SPATA13: variants seen among roughly 807,000 people sequenced by gnomAD.
The protein encoded by SPATA13 is spermatogenesis-associated protein 13.
Under a neutral mutation model 104.0 loss-of-function variants are expected in SPATA13, and 50 were observed. The observed-to-expected ratio is 0.48, with a 90% CI of 0.38 to 0.61. The LOEUF (loss-of-function observed/expected upper bound fraction) is 0.61. Ranked by LOEUF, SPATA13 falls within the 20% of genes least tolerant of loss-of-function variation. The pLI, the probability that SPATA13 is intolerant of heterozygous loss-of-function variation, is 0.00. For missense variants in SPATA13, 1,524 were observed against 1,690.6 expected, an observed-to-expected ratio of 0.90 and a Z score of 1.73; for synonymous variants, 606 against 667.5, an observed-to-expected ratio of 0.91 and a Z score of 1.42.
intron 1 of SPATA13, among the ~76,000 whole-genome samples, chr13:23,981,171 A>G (rs1874875151): frequency 6.6e-6 from 1 of 152,240 alleles, no homozygotes; most frequent in Non-Finnish European, 1.5e-5. Context: ...AGAGAGCATC[A>G]GCCTCATTTT....
At chr13:24,083,214 A>G (rs1413021695) in intron 3 of SPATA13, among the ~76,000 whole-genome samples, 1 of 152,086 alleles carries the variant, frequency 6.6e-6, no homozygotes, top group Non-Finnish European at 1.5e-5. Context: ...GCCAGTGGAG[A>G]CCCCCTAGGG....
At chr13:24,297,791 A>C (rs1331624408) in intron 11 of SPATA13, 56 bp downstream of exon 11, 8 of 1,552,812 alleles carry the variant, frequency 5.2e-6, no homozygotes, top group Non-Finnish European at 7.0e-6. Flanking sequence ...TAATAGCTTC[A>C]TTCTCCACTC....
At chr13:24,236,525 G>A (rs1049842290) in intron 2 of SPATA13, among the ~76,000 whole-genome samples, 3 of 151,662 alleles carry the variant, frequency 2.0e-5, no homozygotes, top group Non-Finnish European at 4.4e-5. Context: ...GAACCCAGGC[G>A]GCGGAGGTTG....
chr13:23,993,436 C>T (rs763842624), intron 2 of SPATA13, among the ~76,000 whole-genome samples: 3 of 152,214 alleles, frequency 2.0e-5, no homozygotes, highest in Non-Finnish European at 4.4e-5. Flanking sequence ...AAACATATTT[C>T]CCTTGTCTGC....
intron 4 of SPATA13, among the ~76,000 whole-genome samples, chr13:24,282,581 G>A (rs911969354): frequency 5.6e-5 from 6 of 106,324 alleles, no homozygotes; most frequent in African/African-American, 1.5e-4. Context: ...CCATTTCCTC[G>A]GGCAGCTCTT....
intron 3 of SPATA13, among the ~76,000 whole-genome samples, chr13:24,062,148 C>A (rs749738294): frequency 2.0e-5 from 3 of 152,236 alleles, no homozygotes; most frequent in Non-Finnish European, 4.4e-5. Context: ...TCTAACAGGT[C>A]TGTTTGCATC....
chr13:24,230,588 T>G (rs187460283), intron 2 of SPATA13, among the ~76,000 whole-genome samples: 5 of 152,328 alleles, frequency 3.3e-5, no homozygotes, highest in Admixed American at 3.3e-4. Context: ...AAACCTCATT[T>G]TCCTTGCCTG....
At chr13:24,129,565 G>A (rs1881330772) in intron 3 of SPATA13, among the ~76,000 whole-genome samples, 1 of 152,192 alleles carries the variant, frequency 6.6e-6, no homozygotes, top group Non-Finnish European at 1.5e-5. Flanking sequence ...TTATTTGGCT[G>A]AATCACCTGG....
chr13:24,013,457 A>T (rs906339735), intron 2 of SPATA13, among the ~76,000 whole-genome samples: 1 of 152,132 alleles, frequency 6.6e-6, no homozygotes, highest in Non-Finnish European at 1.5e-5. Flanking sequence ...CATACCTGGG[A>T]CACTGCTTGG....
In SPATA13 at chr13:24,303,095, T is replaced by C; in HGVS notation, c.*322T>C. On this transcript the variant is annotated 3_prime_UTR_variant, in exon 13 of 13. Transcript: ENST00000382108. ...CAGCAGCTGAAGCCACCCCTGCTGA[T>C]GATGAGCAAGTGCCTGCTGCAGGTC... is the stretch of plus-strand genomic sequence containing the variant. The C allele has an allele frequency of 2.5e-6, 1 of 406,592 alleles. No homozygotes were observed. The highest frequency in any genetic ancestry group is 2.2e-5 in the South Asian group (1 of 45,466). The allele number at this position is 406,592 out of a possible 1,614,324, so 25.2% of individuals were successfully genotyped here.
chr13:24,285,834 C>A (rs184709802), intron 5 of SPATA13, among the ~76,000 whole-genome samples: 1 of 152,140 alleles, frequency 6.6e-6, no homozygotes. Context: ...GAGCCCACCA[C>A]CACGCCTGGC....
chr13:23,991,110 C>T (rs1875390760), intron 2 of SPATA13, among the ~76,000 whole-genome samples: 1 of 152,226 alleles, frequency 6.6e-6, no homozygotes, highest in Non-Finnish European at 1.5e-5. Flanking sequence ...AGGGCGGCAG[C>T]TCCCTGAGTG....
At chr13:24,029,095 A>G (rs948533309) in intron 3 of SPATA13, among the ~76,000 whole-genome samples, 1 of 151,766 alleles carries the variant, frequency 6.6e-6, no homozygotes, top group Non-Finnish European at 1.5e-5. Context: ...TTTATTTTTA[A>G]TAGTTTTTGT....
At chr13:24,046,640 C>A (rs139107057) in intron 3 of SPATA13, among the ~76,000 whole-genome samples, 347 of 151,688 alleles carry the variant, frequency 2.3e-3, no homozygotes, top group Non-Finnish European at 4.2e-3. Context: ...GTTCCTGTAG[C>A]TGTATAGATG....
chr13:24,223,686 A>G lies in SPATA13; in HGVS notation c.757A>G (p.Lys253Glu). 2 of 1,552,230 alleles carry G rather than the reference A, an allele frequency of 1.3e-6. No individual in the cohort carries two copies. Among genetic ancestry groups the G allele is most frequent in the Non-Finnish European group, 1.7e-6 (2 of 1,147,110 alleles). Residue 253 changes from lysine (K) to glutamate (E), a missense_variant, in exon 2 of 13, where the codon AAG (lysine) becomes GAG (glutamate). By Grantham distance (56) the Lys-to-Glu change is moderately conservative. Transcript: ENST00000382108. ...ENNSMGYRRS[K>E]STDNLAFLKK... ...CAACAGCATGGGCTACAGGAGGAGC[A>G]AGAGCACGGACAATCTTGCCTTTCT...
intron 3 of SPATA13, among the ~76,000 whole-genome samples, chr13:24,040,849 A>C (rs181515709): frequency 8.5e-5 from 13 of 152,306 alleles, no homozygotes; most frequent in Non-Finnish European, 1.3e-4. Context: ...TTGAGGATAC[A>C]GATTGTGGTT....
At chr13:23,990,124 G>A (rs968875706) in intron 2 of SPATA13, among the ~76,000 whole-genome samples, 21 of 152,070 alleles carry the variant, frequency 1.4e-4, no homozygotes, top group African/African-American at 4.8e-4. Context: ...CCTGCACCTG[G>A]TCACCACCAT....
rs981373681 is a variant in SPATA13 at position 23,985,134 on chromosome 13, C to T, written c.-147+1201C>T. The stretch of plus-strand genomic sequence containing the variant: ...TCTGGCTGTTGATGACTTCCTCAGG[C>T]GTGGGCATAGTGAAATGCCCTTTCT... On this transcript the variant is annotated intron_variant, in intron 2 of 14. Transcript: ENST00000424834. Among the ~76,000 whole-genome samples the T allele has an allele frequency of 5.9e-5, 9 of 152,322 alleles. No homozygotes were observed. In the East Asian group the frequency reaches 1.5e-3, roughly 26 times the overall value.
intron 1 of SPATA13, among the ~76,000 whole-genome samples, chr13:24,200,097 C>A (rs1870312277): frequency 6.6e-6 from 1 of 152,162 alleles, no homozygotes; most frequent in African/African-American, 2.4e-5. Flanking sequence ...TTCTCTTTGC[C>A]AGACTTGTAC....
Sources: gnomAD v4.1 joint callset for allele counts (sites outside exome capture counted in the v4.1 genomes callset) on GRCh38, gnomAD v4.1.1 for gene constraint, MANE v1.5 for transcripts, NCBI Gene and HGNC (gene_info 2026-07-23, HGNC 2026-07-21) for gene names.